FUT9: variants seen among roughly 807,000 people sequenced by gnomAD.
FUT9 encodes 4-galactosyl-N-acetylglucosaminide 3-alpha-L-fucosyltransferase 9.
FUT9 carries 15 observed loss-of-function variants against 29.7 expected under a neutral mutation model. The observed-to-expected ratio is 0.51, with a 90% CI of 0.34 to 0.78. The LOEUF (loss-of-function observed/expected upper bound fraction) is 0.78, where lower values mean the gene tolerates loss of function less well. FUT9 is among the 30% of genes least tolerant of loss of function. The probability of loss-of-function intolerance (pLI) is 0.01; values close to 1 mark genes in which losing one functional copy is unlikely to be tolerated. For synonymous variants in FUT9, 169 were observed against 153.7 expected (o/e 1.10, Z -0.74); for missense variants, 319 against 425.4 (o/e 0.75, Z 2.20).
intron 2 of FUT9, among the ~76,000 whole-genome samples, chr6:96,161,518 G>T (rs1772901794): frequency 6.6e-6 from 1 of 152,112 alleles, no homozygotes; most frequent in Non-Finnish European, 1.5e-5. Flanking sequence ...TATAGATATA[G>T]GTAGAGACAG....
At chr6:96,135,797 C>T (rs1212907591) in intron 2 of FUT9, among the ~76,000 whole-genome samples, 1 of 151,606 alleles carries the variant, frequency 6.6e-6, no homozygotes, top group Admixed American at 6.6e-5. Flanking sequence ...AAGGTTAGAT[C>T]TTATTACATG....
chr6:96,199,680 A>C (rs1773693687), intron 2 of FUT9, among the ~76,000 whole-genome samples: 2 of 152,292 alleles, frequency 1.3e-5, no homozygotes, highest in African/African-American at 4.8e-5. Context: ...TGCCAATTTT[A>C]ATGGGAGTAA....
At chr6:96,061,377 G>C (rs571901357) in intron 1 of FUT9, among the ~76,000 whole-genome samples, 2 of 150,494 alleles carry the variant, frequency 1.3e-5, no homozygotes, top group East Asian at 3.9e-4. Context: ...AAGTCATTAA[G>C]TCTTCTCTTC....
chr6:96,094,630 A>G (rs969717904), intron 1 of FUT9, among the ~76,000 whole-genome samples: 2 of 152,136 alleles, frequency 1.3e-5, no homozygotes, highest in African/African-American at 4.8e-5. Context: ...TCTCTCATGG[A>G]TAAGTAGAAA....
intron 2 of FUT9, among the ~76,000 whole-genome samples, chr6:96,136,096 TC>T (rs1397201091): frequency 1.3e-5 from 2 of 151,646 alleles, no homozygotes; most frequent in African/African-American, 2.4e-5. Flanking sequence ...CTTTTTCCAA[TC>T]CTTAATGATT....
chr6:96,106,175 T>C (rs1306968342), intron 1 of FUT9, among the ~76,000 whole-genome samples: 2 of 140,564 alleles, frequency 1.4e-5, no homozygotes, highest in African/African-American at 5.1e-5. Flanking sequence ...GCTATGTCAA[T>C]GAGAATGAGC....
At position 96,099,177 on chromosome 6, in the gene FUT9, T is replaced by C. The variant is rs1047776388; in HGVS notation, c.-97-14862T>C. Among the ~76,000 whole-genome samples the C allele has an allele frequency of 2.6e-5, 4 of 152,104 alleles. No homozygotes were observed. In the East Asian group the frequency reaches 7.7e-4, roughly 29 times the overall value. On this transcript the variant is annotated intron_variant, in intron 1 of 2. Coordinates refer to ENST00000302103, the MANE Select transcript of FUT9 (RefSeq NM_006581.4). ...AAGTTCACAATTTTCTCTGGACTTATTCTAGGAAGCAAATCACTAAAGATG... is the reference window on the plus strand; with the variant it reads ...AAGTTCACAATTTTCTCTGGACTTACTCTAGGAAGCAAATCACTAAAGATG...
At chr6:96,084,202 A>C (rs1458028630) in intron 1 of FUT9, among the ~76,000 whole-genome samples, 1 of 152,106 alleles carries the variant, frequency 6.6e-6, no homozygotes, top group African/African-American at 2.4e-5. Flanking sequence ...GACTGTCTAG[A>C]AGATCATATC....
At chr6:96,016,498 A>AC (rs1769981258) in intron 1 of FUT9, among the ~76,000 whole-genome samples, 2 of 151,920 alleles carry the variant, frequency 1.3e-5, no homozygotes, top group South Asian at 4.2e-4. Context: ...GATGGCCCCG[A>AC]CCCTCTGGTC....
chr6:96,115,961 GA>G (rs540258549), intron 2 of FUT9, among the ~76,000 whole-genome samples: 1 of 151,066 alleles, frequency 6.6e-6, no homozygotes, highest in Non-Finnish European at 1.5e-5. Flanking sequence ...TAAATCAATA[GA>G]AAAAAAATCT....
chr6:96,056,279 T>C (rs1042706288), intron 1 of FUT9, among the ~76,000 whole-genome samples: 3 of 152,248 alleles, frequency 2.0e-5, no homozygotes, highest in Admixed American at 2.0e-4. Context: ...TCCCATTGAG[T>C]GGGGTAGAAA....
At chr6:96,135,232 T>A (rs1242840258) in intron 2 of FUT9, among the ~76,000 whole-genome samples, 1 of 151,994 alleles carries the variant, frequency 6.6e-6, no homozygotes, top group Non-Finnish European at 1.5e-5. Context: ...AATGTTAGTA[T>A]ATGTACAGTA....
intron 1 of FUT9, among the ~76,000 whole-genome samples, chr6:96,061,571 C>T (rs1483514590): frequency 6.6e-6 from 1 of 151,778 alleles, no homozygotes; most frequent in East Asian, 1.9e-4. Flanking sequence ...TAGACTTATG[C>T]AAAGTCTCAT....
At position 96,213,681 on chromosome 6, in the gene FUT9, A is replaced by G. The variant is rs1274383563; in HGVS notation, c.*9446A>G. 6.0e-6 allele frequency: 1 copy of G among 166,880 alleles called. No individual in the cohort carries two copies. Among genetic ancestry groups the G allele is most frequent in the African/African-American group, 2.4e-5 (1 of 41,458 alleles). 10.3% of individuals were successfully genotyped at this position (166,880 alleles called of 1,614,324 possible). A position where few individuals can be genotyped will look rare whatever the true frequency, so the allele number is the denominator to read the frequency against. On this transcript the variant is annotated 3_prime_UTR_variant, in exon 3 of 3. Transcript: ENST00000302103. ...TAGGGTTATTTTAAGCACACTAATT[A>G]GTCATCTGGATTTTTATAGATAAAA...
chr6:96,067,091 T>C (rs1651082103), intron 1 of FUT9, among the ~76,000 whole-genome samples: 1 of 151,352 alleles, frequency 6.6e-6, no homozygotes, highest in Non-Finnish European at 1.5e-5. Context: ...GCATGACCTC[T>C]CCATTGAGGA....
intron 2 of FUT9, among the ~76,000 whole-genome samples, chr6:96,134,518 C>A (rs902286244): frequency 6.6e-6 from 1 of 151,758 alleles, no homozygotes; most frequent in African/African-American, 2.4e-5. Context: ...TGTCCTTCTC[C>A]AAATATTTCA....
intron 1 of FUT9, among the ~76,000 whole-genome samples, chr6:96,099,686 A>T (rs763919353): frequency 6.6e-6 from 1 of 152,150 alleles, no homozygotes; most frequent in Non-Finnish European, 1.5e-5. Context: ...TGTATTTAGA[A>T]TATAAAATGT....
At chr6:96,064,154 G>A (rs1320440768) in intron 1 of FUT9, among the ~76,000 whole-genome samples, 1 of 152,116 alleles carries the variant, frequency 6.6e-6, no homozygotes, top group African/African-American at 2.4e-5. Flanking sequence ...ACCATTAGTG[G>A]ATAAGTTGCT....
intron 1 of FUT9, among the ~76,000 whole-genome samples, chr6:96,053,315 G>C (rs575585012): frequency 3.0e-4 from 46 of 152,106 alleles, no homozygotes; most frequent in African/African-American, 9.9e-4. Flanking sequence ...AATACTATTA[G>C]AACTATGACT....
Sources: gnomAD v4.1 joint callset for allele counts (sites outside exome capture counted in the v4.1 genomes callset) on GRCh38, gnomAD v4.1.1 for gene constraint, MANE v1.5 for transcripts, NCBI Gene and HGNC (gene_info 2026-07-23, HGNC 2026-07-21) for gene names.